SCML4: variants seen among roughly 807,000 people sequenced by gnomAD.
SCML4 encodes the protein Scm polycomb group protein like 4, also known as sex comb on midleg-like protein 4.
Under a neutral mutation model 41.1 loss-of-function variants are expected in SCML4, and 34 were observed. That is an observed-to-expected ratio of 0.83 (90% confidence interval 0.63 to 1.10). The LOEUF is 1.10. Among genes scored for constraint, SCML4 ranks in the 50% least tolerant of loss-of-function variants. SCML4 has a pLI of 0.00. For synonymous variants in SCML4, 214 were observed against 220.9 expected, an observed-to-expected ratio of 0.97 and a Z score of 0.28; for missense variants, 522 against 534.1, an observed-to-expected ratio of 0.98 and a Z score of 0.22.
At chr6:107,823,531 T>C (rs1178799201) in intron 1 of SCML4, among the ~76,000 whole-genome samples, 3 of 151,932 alleles carry the variant, frequency 2.0e-5, no homozygotes, top group Non-Finnish European at 2.9e-5. Context: ...AACCAGAAAC[T>C]AGCAGTAAAT....
chr6:107,759,825 C>A (rs1779438690), intron 2 of SCML4, among the ~76,000 whole-genome samples: 1 of 152,106 alleles, frequency 6.6e-6, no homozygotes, highest in South Asian at 2.1e-4. Context: ...AGGAAATAAT[C>A]CATATTTCCT....
At chr6:107,712,322 A>G (rs985773501) in intron 6 of SCML4, among the ~76,000 whole-genome samples, 7 of 152,204 alleles carry the variant, frequency 4.6e-5, no homozygotes, top group Non-Finnish European at 2.9e-5. Flanking sequence ...GGAAGGGGGG[A>G]AAACCCAGAC....
At chr6:107,763,441 C>T (rs900793243) in intron 2 of SCML4, among the ~76,000 whole-genome samples, 46 of 150,248 alleles carry the variant, frequency 3.1e-4, no homozygotes, top group African/African-American at 9.6e-4. Context: ...GGTTGGAGTG[C>T]AGTGGCACCA....
intron 1 of SCML4, among the ~76,000 whole-genome samples, chr6:107,791,308 A>T (rs1254039083): frequency 6.6e-6 from 1 of 152,172 alleles, no homozygotes; most frequent in East Asian, 1.9e-4. Context: ...TGGCAGACGC[A>T]TGCTAAGAAA....
the SCML4 span, among the ~76,000 whole-genome samples, chr6:107,836,374 C>T: frequency 6.6e-6 from 1 of 152,184 alleles, no homozygotes; most frequent in Non-Finnish European, 1.5e-5. Flanking sequence ...CTCTCTGTCT[C>T]TCCCACCCAG....
At chr6:107,842,173 C>A in the SCML4 span, among the ~76,000 whole-genome samples, 1 of 151,954 alleles carries the variant, frequency 6.6e-6, no homozygotes, top group Non-Finnish European at 1.5e-5. Flanking sequence ...TTCCTTTTGG[C>A]CCATGGATTA....
intron 7 of SCML4, 93 bp downstream of exon 7, chr6:107,707,773 C>A (rs779129466): frequency 6.7e-7 from 1 of 1,497,358 alleles, no homozygotes; most frequent in Non-Finnish European, 9.1e-7. Flanking sequence ...TCCACCACCT[C>A]CCCTGGCAGC....
At chr6:107,797,302 T>C (rs1377926904) in intron 1 of SCML4, among the ~76,000 whole-genome samples, 1 of 152,100 alleles carries the variant, frequency 6.6e-6, no homozygotes, top group Non-Finnish European at 1.5e-5. Flanking sequence ...ACTTCTTGAG[T>C]TTGTCTTAGA....
chr6:107,753,239 A>G (rs1376550730), intron 2 of SCML4, among the ~76,000 whole-genome samples: 1 of 152,188 alleles, frequency 6.6e-6, no homozygotes, highest in Non-Finnish European at 1.5e-5. Context: ...TGGAAATGTA[A>G]AATAGTGCTG....
the SCML4 span, among the ~76,000 whole-genome samples, chr6:107,832,870 G>T: frequency 6.6e-6 from 1 of 152,226 alleles, no homozygotes; most frequent in Non-Finnish European, 1.5e-5. Context: ...AAGAGCCACA[G>T]AAATTAGGAA....
chr6:107,840,319 G>A, the SCML4 span, among the ~76,000 whole-genome samples: 113,994 of 151,706 alleles, frequency 0.75, 43,615 homozygotes, highest in East Asian at 0.93. Flanking sequence ...CTGGTCTGGG[G>A]TAAATGATGT....
chr6:107,796,430 T>G (rs1195735477), intron 1 of SCML4, among the ~76,000 whole-genome samples: 1 of 152,210 alleles, frequency 6.6e-6, no homozygotes, highest in Non-Finnish European at 1.5e-5. Context: ...ATATTGGCTA[T>G]TTACATATCT....
At chr6:107,724,340 G>A (rs1775741425) in intron 5 of SCML4, among the ~76,000 whole-genome samples, 1 of 152,098 alleles carries the variant, frequency 6.6e-6, no homozygotes, top group Non-Finnish European at 1.5e-5. Flanking sequence ...AAAGCCATCT[G>A]GATTAGGAAG....
intron 6 of SCML4, 75 bp downstream of exon 6, chr6:107,720,628 C>T: frequency 5.5e-6 from 8 of 1,453,012 alleles, no homozygotes; most frequent in Non-Finnish European, 6.4e-6. Flanking sequence ...ACTCCCCCTT[C>T]CCCAGATGCT....
chr6:107,803,362 C>G (rs1783417215), intron 1 of SCML4, among the ~76,000 whole-genome samples: 1 of 151,674 alleles, frequency 6.6e-6, no homozygotes, highest in Admixed American at 6.5e-5. Context: ...GGCAGCCACC[C>G]CGTCTGGGAG....
intron 2 of SCML4, among the ~76,000 whole-genome samples, chr6:107,770,778 T>TG (rs1780451927): frequency 6.6e-6 from 1 of 152,168 alleles, no homozygotes; most frequent in Non-Finnish European, 1.5e-5. Context: ...CTGTTGGTAA[T>TG]TTTCATTCTT....
At chr6:107,811,254 G>A (rs67958225) in intron 1 of SCML4, among the ~76,000 whole-genome samples, 28,988 of 152,148 alleles carry the variant, frequency 0.19, 3,118 homozygotes, top group South Asian at 0.26. Context: ...AACTGATACA[G>A]CACTATAAAA....
chr6:107,836,506 A>AT, the SCML4 span, among the ~76,000 whole-genome samples: 1 of 152,182 alleles, frequency 6.6e-6, no homozygotes, highest in Non-Finnish European at 1.5e-5. Flanking sequence ...TTTCCAACCC[A>AT]GAGCTTACCA....
intron 1 of SCML4, among the ~76,000 whole-genome samples, chr6:107,817,352 T>C (rs533789881): frequency 1.3e-5 from 2 of 152,300 alleles, no homozygotes; most frequent in African/African-American, 4.8e-5. Flanking sequence ...GTGCAATGGC[T>C]CACGCCTTAA....
Sources: allele counts gnomAD v4.1 joint callset (sites outside exome capture counted in the v4.1 genomes callset), GRCh38; gene constraint gnomAD v4.1.1; transcripts MANE v1.5; gene names NCBI Gene and HGNC (gene_info 2026-07-23, HGNC 2026-07-21).